Variants in HS1BP3 observed in about 807,000 individuals in gnomAD.
The protein encoded by HS1BP3 is HCLS1 binding protein 3, also known as HCLS1-binding protein 3.
A neutral mutation model predicts 33.5 loss-of-function variants in HS1BP3; 32 were observed. The observed-to-expected ratio is 0.95, with a 90% confidence interval of 0.72 to 1.28. The LOEUF is 1.28. Among genes scored for constraint, HS1BP3 ranks in the 50% most tolerant of loss-of-function variants. The pLI, the probability that HS1BP3 is intolerant of heterozygous loss-of-function variation, is 0.00. For synonymous variants in HS1BP3, 187 were observed against 209.2 expected (o/e 0.89, Z 0.92); for missense variants, 486 against 502.3 (o/e 0.97, Z 0.31).
At chr2:20,588,878 G>T (rs913520869), downstream of HS1BP3, among the ~76,000 whole-genome samples, 1 of 152,220 alleles carries the variant, frequency 6.6e-6, no homozygotes, top group Non-Finnish European at 1.5e-5. Flanking sequence ...GCTGAGGCAG[G>T]CTCAGCCTTC....
At chr2:20,638,349 C>G in intron 4 of HS1BP3, 87 bp downstream of exon 4, 1 of 1,352,810 alleles carries the variant, frequency 7.4e-7, no homozygotes, top group Non-Finnish European at 1.0e-6. Flanking sequence ...ATGCTCAGGG[C>G]TTTTCTCAGA....
chr2:20,596,748 C>T (rs1344371213), intron 3 of HS1BP3, among the ~76,000 whole-genome samples: 1 of 152,216 alleles, frequency 6.6e-6, no homozygotes, highest in African/African-American at 2.4e-5. Context: ...TGTCCTTCTA[C>T]CCATCACAGC....
intron 5 of HS1BP3, among the ~76,000 whole-genome samples, chr2:20,579,717 C>T (rs2149275260): frequency 6.6e-6 from 1 of 152,332 alleles, no homozygotes; most frequent in Non-Finnish European, 1.5e-5. Context: ...CACGGGAATA[C>T]CCTCCCTCCA....
intron 2 of HS1BP3, among the ~76,000 whole-genome samples, chr2:20,641,598 T>G (rs1369897774): frequency 1.3e-5 from 2 of 152,196 alleles, no homozygotes; most frequent in African/African-American, 4.8e-5. Flanking sequence ...ACCAACCTCA[T>G]TCTCCCGTGA....
At chr2:20,641,624 G>A (rs959514235) in intron 2 of HS1BP3, among the ~76,000 whole-genome samples, 8 of 152,148 alleles carry the variant, frequency 5.3e-5, no homozygotes, top group African/African-American at 1.2e-4. Context: ...TGTGGCCTTC[G>A]GCGGGCCAGC....
At chr2:20,609,820 C>T (rs1354474454) in intron 2 of HS1BP3, among the ~76,000 whole-genome samples, 2 of 152,202 alleles carry the variant, frequency 1.3e-5, no homozygotes, top group Non-Finnish European at 2.9e-5. Flanking sequence ...TGTCCTTTCC[C>T]TCAGAGGGTG....
chr2:20,598,810 G>C (rs914166391), intron 2 of HS1BP3, among the ~76,000 whole-genome samples: 1 of 152,108 alleles, frequency 6.6e-6, no homozygotes, highest in Admixed American at 6.5e-5. Flanking sequence ...CGCCCGCCTC[G>C]GCCTCCCAAA....
chr2:20,628,617 A>G (rs111807737), intron 4 of HS1BP3, among the ~76,000 whole-genome samples: 14 of 149,058 alleles, frequency 9.4e-5, no homozygotes, highest in African/African-American at 3.0e-4. Flanking sequence ...CCTGGGTGAC[A>G]AAGTGAGACT....
chr2:20,616,027 C>G (rs1396911447), downstream of HS1BP3, among the ~76,000 whole-genome samples: 1 of 152,202 alleles, frequency 6.6e-6, no homozygotes, highest in African/African-American at 2.4e-5. Flanking sequence ...AGGAACAATG[C>G]CGGGAGGAAG....
chr2:20,607,163 T>TC (rs1434871564), intron 2 of HS1BP3, among the ~76,000 whole-genome samples: 4 of 149,602 alleles, frequency 2.7e-5, no homozygotes. Context: ...ACTTCATTCT[T>TC]TTTTTTTTTT....
In HS1BP3 at chr2:20,611,576, G is replaced by A. The variant is rs1572331942; in HGVS notation, c.178+12320C>T. Reference sequence around the variant, plus strand: ...GAGCTGGAATGTACTCCCCGCTGCCGCAGTCCTGTTGACATTATTCCTTGT... The same window carrying A: ...GAGCTGGAATGTACTCCCCGCTGCCACAGTCCTGTTGACATTATTCCTTGT... On this transcript the variant is annotated intron_variant, in intron 2 of 3. Transcript: ENST00000415264. This position sits in a 1 kb window ranked among gnomAD's most constrained non-coding sequence, Gnocchi z 4.9. 6.6e-6 allele frequency among the ~76,000 whole-genome samples: 1 copy of A among 152,164 alleles called. No homozygotes were observed. The highest frequency in any genetic ancestry group is 6.5e-5 in the Admixed American group (1 of 15,280).
chr2:20,618,521 A>C lies in HS1BP3; in HGVS notation c.*466T>G. Reference sequence around the variant, plus strand: ...CTACAGCTTAGGGTAGGGGAAGGGGAGGATACCGGTCACTCCTTCTTACTA... The same window carrying C: ...CTACAGCTTAGGGTAGGGGAAGGGGCGGATACCGGTCACTCCTTCTTACTA... On this transcript the variant is annotated 3_prime_UTR_variant, in exon 7 of 7. Transcript: ENST00000304031. 5.7e-6 allele frequency: 1 copy of C among 175,780 alleles called. No homozygotes were observed. The highest frequency in any genetic ancestry group is 1.1e-5 in the Non-Finnish European group (1 of 87,824). The allele number at this position is 175,780 out of a possible 1,614,324, so 10.9% of individuals were successfully genotyped here.
chr2:20,650,395 G>T (rs568758884), intron 1 of HS1BP3, among the ~76,000 whole-genome samples: 1 of 152,298 alleles, frequency 6.6e-6, no homozygotes, highest in South Asian at 2.1e-4. Flanking sequence ...CTCGATCAGG[G>T]CCGACCCATT....
intron 4 of HS1BP3, among the ~76,000 whole-genome samples, chr2:20,625,338 T>G (rs1050036352): frequency 1.3e-5 from 2 of 152,118 alleles, no homozygotes; most frequent in Non-Finnish European, 2.9e-5. Flanking sequence ...AGGCCTTGAG[T>G]CTGCCATGCG....
At chr2:20,560,829 A>G (rs1865677) in intron 5 of HS1BP3, among the ~76,000 whole-genome samples, 150,623 of 152,164 alleles carry the variant, frequency 0.99, 74,571 homozygotes, top group Middle Eastern at 1. Context: ...AGCTGAGGAC[A>G]CTGTTCTGTC....
At chr2:20,571,715 C>A (rs4666426) in intron 5 of HS1BP3, among the ~76,000 whole-genome samples, 49 of 152,144 alleles carry the variant, frequency 3.2e-4, no homozygotes, top group Admixed American at 4.6e-4. Flanking sequence ...TGCCTTGGGC[C>A]CATGCTCACC....
chr2:20,582,518 A>G (rs1282741323), intron 5 of HS1BP3, among the ~76,000 whole-genome samples: 1 of 152,082 alleles, frequency 6.6e-6, no homozygotes, highest in Non-Finnish European at 1.5e-5. Flanking sequence ...GGAGGAAGTC[A>G]TTGAATTCCT....
At chr2:20,555,248 C>T in the HS1BP3 span, among the ~76,000 whole-genome samples, 962 of 152,304 alleles carry the variant, frequency 6.3e-3, 4 homozygotes, top group Non-Finnish European at 9.3e-3. Context: ...TGAGTGAGCC[C>T]AAGGTGGGCA....
chr2:20,593,588 C>T (rs1219440780), intron 3 of HS1BP3, among the ~76,000 whole-genome samples: 2 of 152,174 alleles, frequency 1.3e-5, no homozygotes, highest in African/African-American at 4.8e-5. Context: ...GCACTTCAGC[C>T]TCTGGTGATC....
Sources: gnomAD v4.1 joint callset for allele counts (sites outside exome capture counted in the v4.1 genomes callset) on GRCh38, gnomAD v4.1.1 for gene constraint, Gnocchi (gnomAD v3.1) non-coding constraint, MANE v1.5 for transcripts, NCBI Gene and HGNC (gene_info 2026-07-23, HGNC 2026-07-21) for gene names.